Variants in ATM observed in about 807,000 individuals in gnomAD.
The protein encoded by ATM is ATM serine/threonine kinase.
ATM carries 308 observed loss-of-function variants against 387.0 expected under a neutral mutation model. The ratio of observed to expected loss-of-function variants is 0.80; its 90% CI spans 0.73 to 0.87. ATM has a LOEUF of 0.87. Ranked by LOEUF, ATM falls within the 40% of genes least tolerant of loss-of-function variation. The probability of loss-of-function intolerance (pLI) is 0.00; values close to 1 mark genes in which losing one functional copy is unlikely to be tolerated. For missense variants in ATM, 3,312 were observed against 3,560.9 expected, an observed-to-expected ratio of 0.93 and a Z score of 1.78; for synonymous variants, 1,156 against 1,187.3, an observed-to-expected ratio of 0.97 and a Z score of 0.54.
At chr11:108,342,907 T>C (rs1383476045) in intron 56 of ATM, among the ~76,000 whole-genome samples, 1 of 152,166 alleles carries the variant, frequency 6.6e-6, no homozygotes, top group Non-Finnish European at 1.5e-5. Context: ...ATTCCTCTCC[T>C]AACTGGACAA....
chr11:108,237,899 G>GTTTTTTTTTTTTTTTTTTTTTT (rs369161623), intron 5 of ATM, among the ~76,000 whole-genome samples: 257 of 92,034 alleles, frequency 2.8e-3, no homozygotes, highest in Middle Eastern at 7.6e-3. Flanking sequence ...ATTTACTTAG[G>GTTTTTTTTTTTTTTTTTTTTTT]TTTTTTTTTT....
chr11:108,295,337 T>G (rs2083064217), intron 32 of ATM: 1 of 372,242 alleles, frequency 2.7e-6, no homozygotes, highest in South Asian at 2.5e-5. Flanking sequence ...GACAGAGTTT[T>G]TTTTTTTTTT....
At chr11:108,228,337 C>T (rs1232533624) in intron 3 of ATM, among the ~76,000 whole-genome samples, 1 of 152,076 alleles carries the variant, frequency 6.6e-6, no homozygotes, top group Admixed American at 6.5e-5. Context: ...AAAAATACCT[C>T]GAACAATGAA....
chr11:108,261,126 G>A (rs1591559808), intron 16 of ATM, among the ~76,000 whole-genome samples: 1 of 152,246 alleles, frequency 6.6e-6, no homozygotes, highest in South Asian at 2.1e-4. Flanking sequence ...CGAACTAGGT[G>A]GAGCCCACCA....
intron 4 of ATM, among the ~76,000 whole-genome samples, chr11:108,231,765 C>G (rs1026361944): frequency 6.7e-6 from 1 of 149,318 alleles, no homozygotes; most frequent in Admixed American, 6.7e-5. Flanking sequence ...TAGAAGTATG[C>G]AGATTATTAG....
chr11:108,240,294 A>G (rs763598556), intron 5 of ATM, among the ~76,000 whole-genome samples: 1 of 152,180 alleles, frequency 6.6e-6, no homozygotes, highest in Non-Finnish European at 1.5e-5. Flanking sequence ...CTGTCAGAAA[A>G]ATCCTCTGTG....
intron 33 of ATM, among the ~76,000 whole-genome samples, chr11:108,298,751 C>A (rs560952985): frequency 6.6e-6 from 1 of 152,156 alleles, no homozygotes; most frequent in African/African-American, 2.4e-5. Flanking sequence ...GTAAAACTAT[C>A]TGTATTTACA....
chr11:108,254,231 G>A (rs2080333789), intron 13 of ATM, among the ~76,000 whole-genome samples, 192 bp downstream of exon 13: 1 of 152,070 alleles, frequency 6.6e-6, no homozygotes, highest in Non-Finnish European at 1.5e-5. Context: ...AATAATTTGA[G>A]TACTTCCTTT....
intron 5 of ATM, among the ~76,000 whole-genome samples, chr11:108,239,483 T>C (rs984954138): frequency 6.6e-6 from 1 of 152,252 alleles, no homozygotes; most frequent in African/African-American, 2.4e-5. Context: ...AATTTCACCC[T>C]TATTAAAAAC....
chr11:108,359,869 A>T (rs1223981367), intron 61 of ATM, among the ~76,000 whole-genome samples: 2 of 152,164 alleles, frequency 1.3e-5, no homozygotes, highest in South Asian at 2.1e-4. Context: ...TGACACCCTA[A>T]CATCACAATT....
intron 45 of ATM, among the ~76,000 whole-genome samples, chr11:108,322,185 C>A (rs186638361): frequency 2.0e-5 from 3 of 152,036 alleles, no homozygotes; most frequent in African/African-American, 7.2e-5. Flanking sequence ...GACCAAGTCT[C>A]GCTCTGTTGC....
chr11:108,297,476 G>A (rs2083190797), intron 33 of ATM, 94 bp downstream of exon 33: 3 of 1,063,668 alleles, frequency 2.8e-6, no homozygotes, highest in Non-Finnish European at 2.9e-6. Context: ...TATGTTTTCT[G>A]TTGCCTGTAG....
intron 26 of ATM, among the ~76,000 whole-genome samples, chr11:108,284,796 A>C (rs4987996): frequency 2.6e-3 from 397 of 152,328 alleles, no homozygotes; most frequent in Middle Eastern, 0.014. Context: ...AAGGAATACT[A>C]AACAGTGTAC....
At chr11:108,302,422 T>A (rs1268358049) in intron 35 of ATM, among the ~76,000 whole-genome samples, 1 of 152,174 alleles carries the variant, frequency 6.6e-6, no homozygotes. Context: ...AATATAATTT[T>A]AGTGTTAGTA....
At chr11:108,307,846 G>A (rs765935998) in intron 37 of ATM, 51 bp from the exon 38 acceptor site, 1 of 1,472,986 alleles carries the variant, frequency 6.8e-7, no homozygotes, top group Non-Finnish European at 9.5e-7. Context: ...AAGGAAGAAG[G>A]TGTGTAAGCA....
chr11:108,296,890 A>G (rs2083152856), intron 32 of ATM: 1 of 263,700 alleles, frequency 3.8e-6, no homozygotes, highest in Non-Finnish European at 7.4e-6. Flanking sequence ...AGACATTTCC[A>G]TCATTGCAGA....
intron 35 of ATM, 119 bp from the exon 36 acceptor site, chr11:108,302,734 G>T (rs775949475): frequency 2.8e-5 from 27 of 971,940 alleles, no homozygotes; most frequent in Non-Finnish European, 3.8e-5. Context: ...ATTGCCTCCA[G>T]ATTTAGTTTT....
intron 55 of ATM, 77 bp from the exon 56 acceptor site, chr11:108,335,768 T>G: frequency 8.5e-7 from 1 of 1,177,964 alleles, no homozygotes; most frequent in Middle Eastern, 1.9e-4. Context: ...TGAGTGCCCT[T>G]TGCTATTCTC....
At chr11:108,238,216 C>T (rs1417488202) in intron 5 of ATM, among the ~76,000 whole-genome samples, 8 of 152,040 alleles carry the variant, frequency 5.3e-5, no homozygotes, top group East Asian at 3.8e-4. Context: ...CTTGAGCCAC[C>T]GCGTCTGGCC....
Sources: gnomAD v4.1 joint callset for allele counts (sites outside exome capture counted in the v4.1 genomes callset) on GRCh38, gnomAD v4.1.1 for gene constraint, MANE v1.5 for transcripts, NCBI Gene and HGNC (gene_info 2026-07-23, HGNC 2026-07-21) for gene names.